The following KLHL1 variants were observed in gnomAD, a reference collection of about 807,000 sequenced individuals.
KLHL1 encodes kelch like family member 1, also known as kelch-like protein 1.
A neutral mutation model predicts 77.7 loss-of-function variants in KLHL1; 47 were observed. The ratio of observed to expected loss-of-function variants is 0.60; its 90% confidence interval spans 0.48 to 0.77. The LOEUF is 0.77. Ranked by LOEUF, KLHL1 falls within the 30% of genes least tolerant of loss-of-function variation. KLHL1 has a pLI of 0.00. For missense variants in KLHL1, 925 were observed against 910.8 expected, an observed-to-expected ratio of 1.02 and a Z score of -0.20; for synonymous variants, 360 against 325.2, an observed-to-expected ratio of 1.11 and a Z score of -1.15.
At chr13:70,047,462 C>A (rs905925695) in intron 1 of KLHL1, among the ~76,000 whole-genome samples, 3 of 151,388 alleles carry the variant, frequency 2.0e-5, no homozygotes, top group African/African-American at 7.3e-5. Flanking sequence ...AAGTTTGTCC[C>A]ATATAGTAGA....
chr13:70,075,776 T>C (rs201294199), intron 1 of KLHL1, among the ~76,000 whole-genome samples: 1 of 132,088 alleles, frequency 7.6e-6, no homozygotes, highest in African/African-American at 2.7e-5. Context: ...TATATATACA[T>C]ATATATGTAT....
chr13:69,914,144 T>G (rs569898176), intron 4 of KLHL1, among the ~76,000 whole-genome samples: 35 of 152,176 alleles, frequency 2.3e-4, no homozygotes, highest in Non-Finnish European at 4.0e-4. Flanking sequence ...GCAGACGGCC[T>G]ATTGTGGGAC....
chr13:69,769,914 A>C (rs1405752250), intron 7 of KLHL1, among the ~76,000 whole-genome samples: 1 of 152,148 alleles, frequency 6.6e-6, no homozygotes, highest in Non-Finnish European at 1.5e-5. Context: ...CTGGCTTGCC[A>C]AGCTGTGGGC....
intron 1 of KLHL1, among the ~76,000 whole-genome samples, chr13:70,075,586 T>TATATATAC (rs1436181147): frequency 8.9e-6 from 1 of 111,794 alleles, no homozygotes; most frequent in African/African-American, 3.3e-5. Flanking sequence ...TATATATATA[T>TATATATAC]ATACACACAC....
rs151315058 is a variant in KLHL1 at position 69,813,423 on chromosome 13, T to C, written c.1415-16461A>G. ...CACCAACATGACACATGTATACATA[T>C]GTAACACACCTGCATGTTGTGCACA... On this transcript the variant is annotated intron_variant, in intron 6 of 10. Transcript: ENST00000377844. Among the ~76,000 whole-genome samples, 879 of 151,670 alleles carry C rather than the reference T, an allele frequency of 5.8e-3. 8 individuals are homozygous for C. The highest frequency in any genetic ancestry group is 0.019 in the African/African-American group (796 of 41,234).
intron 7 of KLHL1, among the ~76,000 whole-genome samples, chr13:69,788,972 T>C (rs1291872320): frequency 1.3e-5 from 2 of 152,122 alleles, no homozygotes; most frequent in Non-Finnish European, 2.9e-5. Context: ...TTTTCCCCTC[T>C]CAGGAGAATT....
chr13:69,955,351 AC>A (rs1282215492), intron 3 of KLHL1, among the ~76,000 whole-genome samples: 1 of 151,332 alleles, frequency 6.6e-6, no homozygotes, highest in Non-Finnish European at 1.5e-5. Context: ...AGGTACAAAG[AC>A]TTTAATTAAC....
At chr13:69,909,371 T>G (rs1196878877) in intron 4 of KLHL1, among the ~76,000 whole-genome samples, 1 of 151,770 alleles carries the variant, frequency 6.6e-6, no homozygotes, top group Non-Finnish European at 1.5e-5. Context: ...AAGTGCAAAA[T>G]ATTTTACATT....
chr13:69,882,249 T>A, intron 5 of KLHL1, 34 bp downstream of exon 5: 1 of 1,415,938 alleles, frequency 7.1e-7, no homozygotes, highest in Non-Finnish European at 1.0e-6. Flanking sequence ...TTTCAGTACA[T>A]TGAATCTATT....
intron 1 of KLHL1, among the ~76,000 whole-genome samples, chr13:69,997,511 A>ATGAGTTTTAC (rs1885186536): frequency 6.6e-6 from 1 of 151,264 alleles, no homozygotes; most frequent in Non-Finnish European, 1.5e-5. Flanking sequence ...CTCTGTTTCT[A>ATGAGTTTTAC]TGAGTTTTAC....
chr13:70,059,385 G>A (rs1886823298), intron 1 of KLHL1, among the ~76,000 whole-genome samples: 1 of 152,044 alleles, frequency 6.6e-6, no homozygotes, highest in Non-Finnish European at 1.5e-5. Flanking sequence ...GGCCAGGCTG[G>A]TCTCAAACTC....
chr13:70,091,709 T>G (rs897313719), intron 1 of KLHL1, among the ~76,000 whole-genome samples: 10 of 152,168 alleles, frequency 6.6e-5, no homozygotes, highest in Non-Finnish European at 1.5e-4. Context: ...TTTTGTCTTT[T>G]GGACCACCAG....
At position 69,851,338 on chromosome 13, in the gene KLHL1, C is replaced by G. The variant is rs577929401; in HGVS notation, c.1228-12176G>C. Among the ~76,000 whole-genome samples the G allele has an allele frequency of 3.3e-4, 50 of 151,852 alleles. No individual in the cohort carries two copies. The South Asian group carries it at 0.01, about 31-fold the overall frequency. On this transcript the variant is annotated intron_variant, in intron 5 of 10. Coordinates refer to ENST00000377844, the MANE Select transcript of KLHL1 (RefSeq NM_020866.3). ...CAAAATTATTTCTGACTGGGCAACA[C>G]AGACTATAGGAATTTGTAGGTCATC...
intron 9 of KLHL1, among the ~76,000 whole-genome samples, chr13:69,711,328 C>T (rs1282730401): frequency 6.6e-6 from 1 of 151,778 alleles, no homozygotes; most frequent in Non-Finnish European, 1.5e-5. Flanking sequence ...AAACCAAAGA[C>T]ACAAAAAAAG....
At chr13:69,869,046 G>A (rs758680010) in intron 5 of KLHL1, among the ~76,000 whole-genome samples, 6 of 151,920 alleles carry the variant, frequency 3.9e-5, no homozygotes, top group Non-Finnish European at 7.4e-5. Context: ...GGAAGCTAAC[G>A]GCAGCTAGAA....
intron 1 of KLHL1, among the ~76,000 whole-genome samples, chr13:70,052,914 A>G (rs1886662056): frequency 6.6e-6 from 1 of 152,030 alleles, no homozygotes; most frequent in Non-Finnish European, 1.5e-5. Flanking sequence ...ATATCTACAA[A>G]TCTATTGTGA....
intron 1 of KLHL1, among the ~76,000 whole-genome samples, chr13:70,006,517 T>C (rs1040856729): frequency 2.0e-5 from 3 of 151,400 alleles, no homozygotes; most frequent in African/African-American, 7.3e-5. Flanking sequence ...TTTTTTTTTT[T>C]CAAAGAGTTT....
At chr13:69,712,260 ATTT>A (rs34483205) in intron 9 of KLHL1, among the ~76,000 whole-genome samples, 1 of 149,022 alleles carries the variant, frequency 6.7e-6, no homozygotes, top group African/African-American at 2.5e-5. Flanking sequence ...TTCACACCTC[ATTT>A]TTTTTTTTTT....
intron 5 of KLHL1, among the ~76,000 whole-genome samples, chr13:69,840,698 A>ATATATATG (rs976775077): frequency 0.01 from 1,476 of 146,298 alleles, 11 homozygotes; most frequent in African/African-American, 0.023. Context: ...ATATATATAT[A>ATATATATG]TATGTATGTA....
Sources: allele counts gnomAD v4.1 joint callset (sites outside exome capture counted in the v4.1 genomes callset), GRCh38; gene constraint gnomAD v4.1.1; transcripts MANE v1.5; gene names NCBI Gene and HGNC (gene_info 2026-07-23, HGNC 2026-07-21).